The following KIF26B variants were observed in gnomAD, a reference collection of about 807,000 sequenced individuals.
KIF26B encodes kinesin-like protein KIF26B.
In KIF26B, 63 loss-of-function variants were observed where a neutral mutation model predicts 151.2. The observed-to-expected ratio is 0.42, with a 90% CI of 0.34 to 0.51. KIF26B has a LOEUF of 0.51. Ranked by LOEUF, KIF26B falls within the 20% of genes least tolerant of loss-of-function variation. The probability of loss-of-function intolerance (pLI) is 0.07; values close to 1 mark genes in which losing one functional copy is unlikely to be tolerated. For synonymous variants in KIF26B, 1,357 were observed against 1,262.1 expected (o/e 1.08, Z -1.59); for missense variants, 2,813 against 2,913.6 (o/e 0.97, Z 0.79).
chr1:245,259,387 T>C (rs1670593354), intron 2 of KIF26B, among the ~76,000 whole-genome samples: 3 of 152,138 alleles, frequency 2.0e-5, no homozygotes, highest in Non-Finnish European at 4.4e-5. Context: ...GCTCCATCGC[T>C]GAAATGCACA....
intron 4 of KIF26B, among the ~76,000 whole-genome samples, chr1:245,479,669 G>A (rs1249542346): frequency 1.3e-5 from 2 of 151,780 alleles, no homozygotes; most frequent in Non-Finnish European, 2.9e-5. Context: ...GAAAGTCAGA[G>A]GATGATAGAA....
chr1:245,435,053 CTCCATCCATCCA>C lies in KIF26B; in HGVS notation c.1166+15339_1166+15350del, dbSNP rs60351520. ...CACCCATTCATCCATCCATCCATCT[CTCCATCCATCCA>C]TCCATCCATCCATCCATCCATCCAT... is the stretch of plus-strand genomic sequence containing the variant. On this transcript the variant is annotated intron_variant, in intron 4 of 14. Transcript: ENST00000407071. Among the ~76,000 whole-genome samples, 107 of 132,532 alleles carry C rather than the reference CTCCATCCATCCA, an allele frequency of 8.1e-4. 1 individual carries two copies. The highest frequency in any genetic ancestry group is 1.1e-3 in the African/African-American group (39 of 34,670). The allele number at this position is 132,532 out of a possible 152,430, so 86.9% of individuals were successfully genotyped here. A position where few individuals can be genotyped will look rare whatever the true frequency, so the allele number is the denominator to read the frequency against.
intron 10 of KIF26B, among the ~76,000 whole-genome samples, chr1:245,681,974 G>A (rs1309562754): frequency 6.6e-6 from 1 of 152,242 alleles, no homozygotes; most frequent in Non-Finnish European, 1.5e-5. Context: ...CAGATGCAGT[G>A]GCTCACACCT....
intron 5 of KIF26B, among the ~76,000 whole-genome samples, chr1:245,556,341 T>TCCTCCCTCCTCCTCCTC (rs1553287996): frequency 0.077 from 10,041 of 130,804 alleles, 839 homozygotes; most frequent in African/African-American, 0.2. Flanking sequence ...TCTTCCTCCT[T>TCCTCCCTCCTCCTCCTC]CCTCCCTCCT....
At chr1:245,415,754 C>A (rs145547830) in intron 3 of KIF26B, among the ~76,000 whole-genome samples, 1 of 150,962 alleles carries the variant, frequency 6.6e-6, no homozygotes, top group African/African-American at 2.4e-5. Context: ...AATGTCTGCA[C>A]GTTTCTTAGA....
chr1:245,425,377 T>A (rs1459873376), intron 4 of KIF26B, among the ~76,000 whole-genome samples: 2 of 152,200 alleles, frequency 1.3e-5, no homozygotes, highest in African/African-American at 4.8e-5. Flanking sequence ...ATTGATTTTC[T>A]TTCCCAAATA....
At chr1:245,539,799 T>C (rs558139180) in intron 4 of KIF26B, among the ~76,000 whole-genome samples, 41 of 152,188 alleles carry the variant, frequency 2.7e-4, no homozygotes, top group Admixed American at 1.2e-3. Context: ...ATTACAGGCA[T>C]GCACCACCAC....
chr1:245,539,866 T>C (rs1375519463), intron 4 of KIF26B, among the ~76,000 whole-genome samples: 2 of 152,130 alleles, frequency 1.3e-5, no homozygotes, highest in Non-Finnish European at 2.9e-5. Flanking sequence ...TTGGCCAGGC[T>C]GGTCTCGAAC....
At chr1:245,401,886 CAAAGAA>C (rs1451087795) in intron 3 of KIF26B, among the ~76,000 whole-genome samples, 2 of 112,098 alleles carry the variant, frequency 1.8e-5, no homozygotes, top group Admixed American at 8.3e-5. Context: ...AACAAACAAA[CAAAGAA>C]ACACACACAC....
chr1:245,329,790 C>T (rs1446012208), intron 2 of KIF26B, among the ~76,000 whole-genome samples: 1 of 151,190 alleles, frequency 6.6e-6, no homozygotes, highest in East Asian at 1.9e-4. Context: ...TCAATAAGAC[C>T]AAAAAAGGTG....
At chr1:245,373,053 C>A (rs939650234) in intron 3 of KIF26B, among the ~76,000 whole-genome samples, 4 of 152,184 alleles carry the variant, frequency 2.6e-5, no homozygotes, top group African/African-American at 7.2e-5. Context: ...AGAGGAGAAA[C>A]CTGAGGCTGA....
chr1:245,700,858 C>T (rs762208918), intron 14 of KIF26B, among the ~76,000 whole-genome samples: 12 of 152,356 alleles, frequency 7.9e-5, no homozygotes, highest in African/African-American at 1.7e-4. Context: ...TATCCCTCCC[C>T]GCTGCGGATA....
intron 2 of KIF26B, among the ~76,000 whole-genome samples, chr1:245,303,248 G>T (rs1225124210): frequency 7.0e-6 from 1 of 141,962 alleles, no homozygotes; most frequent in Non-Finnish European, 1.5e-5. Flanking sequence ...GCCCAGGCCG[G>T]AGTGCAGTGG....
chr1:245,297,591 A>G (rs1671361360), intron 2 of KIF26B, among the ~76,000 whole-genome samples: 1 of 152,226 alleles, frequency 6.6e-6, no homozygotes, highest in African/African-American at 2.4e-5. Context: ...CTTTCTTTGG[A>G]GGAAATATCC....
At chr1:245,682,017 C>A (rs911101176) in intron 10 of KIF26B, among the ~76,000 whole-genome samples, 1 of 152,090 alleles carries the variant, frequency 6.6e-6, no homozygotes, top group African/African-American at 2.4e-5. Flanking sequence ...CCGAGGCGGG[C>A]GGATCGCCTG....
chr1:245,204,378 C>T (rs1669358267), intron 2 of KIF26B, among the ~76,000 whole-genome samples: 1 of 146,466 alleles, frequency 6.8e-6, no homozygotes, highest in South Asian at 2.2e-4. Flanking sequence ...TAAGATCTCT[C>T]TTTTTTTTTT....
At chr1:245,645,069 A>C (rs1204292648) in intron 9 of KIF26B, among the ~76,000 whole-genome samples, 1 of 152,180 alleles carries the variant, frequency 6.6e-6, no homozygotes, top group African/African-American at 2.4e-5. Flanking sequence ...ATGAAGTTAA[A>C]GAGCAAGAAC....
intron 3 of KIF26B, among the ~76,000 whole-genome samples, chr1:245,406,343 G>T (rs1483496550): frequency 6.6e-6 from 1 of 152,184 alleles, no homozygotes. Context: ...GGATTACAGT[G>T]ACAAGTTAAT....
chr1:245,508,757 G>A (rs956051879), intron 4 of KIF26B, among the ~76,000 whole-genome samples: 1 of 152,134 alleles, frequency 6.6e-6, no homozygotes, highest in Non-Finnish European at 1.5e-5. Context: ...ATGGAAGTGT[G>A]ACACCTTTCT....
Sources: gnomAD v4.1 joint callset for allele counts (sites outside exome capture counted in the v4.1 genomes callset) on GRCh38, gnomAD v4.1.1 for gene constraint, MANE v1.5 for transcripts, NCBI Gene and HGNC (gene_info 2026-07-23, HGNC 2026-07-21) for gene names.